Variants in FLI1 observed in about 807,000 individuals in gnomAD.
FLI1 encodes Fli-1 proto-oncogene, ETS transcription factor, also known as Friend leukemia integration 1 transcription factor.
FLI1 carries 13 observed loss-of-function variants against 53.1 expected under a neutral mutation model. The ratio of observed to expected loss-of-function variants is 0.24; its 90% CI spans 0.16 to 0.39. The LOEUF (loss-of-function observed/expected upper bound fraction) is 0.39. FLI1 is among the 10% of genes least tolerant of loss of function. The pLI is 1.00. For synonymous variants in FLI1, 244 were observed against 236.7 expected, an observed-to-expected ratio of 1.03 and a Z score of -0.28; for missense variants, 424 against 600.5, an observed-to-expected ratio of 0.71 and a Z score of 3.07.
At chr11:128,774,817 T>C (rs1479679713) in intron 4 of FLI1, among the ~76,000 whole-genome samples, 1 of 152,140 alleles carries the variant, frequency 6.6e-6, no homozygotes, top group Non-Finnish European at 1.5e-5. Flanking sequence ...CCCCTAGTAC[T>C]TCCTGCCACC....
intron 1 of FLI1, among the ~76,000 whole-genome samples, chr11:128,730,871 T>C (rs1481407607): frequency 6.6e-6 from 1 of 152,264 alleles, no homozygotes; most frequent in Non-Finnish European, 1.5e-5. Flanking sequence ...CCATCCTTTC[T>C]TAGCCTTTGC....
At chr11:128,728,675 C>T (rs1939575427) in intron 1 of FLI1, among the ~76,000 whole-genome samples, 1 of 152,246 alleles carries the variant, frequency 6.6e-6, no homozygotes, top group Admixed American at 6.5e-5. Flanking sequence ...AGAGTCAAGG[C>T]AAACGTTCCA....
intron 5 of FLI1, among the ~76,000 whole-genome samples, chr11:128,785,319 C>T (rs1485074660): frequency 6.6e-6 from 1 of 152,026 alleles, no homozygotes; most frequent in African/African-American, 2.4e-5. Context: ...CCTCCACATG[C>T]TTTGCTTTGG....
At position 128,694,158 on chromosome 11, in the gene FLI1, C is replaced by A; in HGVS notation, c.-101C>A. 3 of 1,354,434 alleles carry A rather than the reference C, an allele frequency of 2.2e-6. No individual in the cohort carries two copies. Among genetic ancestry groups the A allele is most frequent in the Non-Finnish European group, 3.0e-6 (3 of 1,016,488 alleles). The allele number at this position is 1,354,434 out of a possible 1,614,324, so 83.9% of individuals were successfully genotyped here. A position where few individuals can be genotyped will look rare whatever the true frequency, so the allele number is the denominator to read the frequency against. On this transcript the variant is annotated 5_prime_UTR_variant, in exon 1 of 9. Coordinates refer to ENST00000527786, the MANE Select transcript of FLI1 (RefSeq NM_002017.5). ...GGGCACGCAGGGAGGGCCCAGGGCGCCAGGGAGGCCGCGCCGGGCTAATCC... is the reference window on the plus strand; with the variant it reads ...GGGCACGCAGGGAGGGCCCAGGGCGACAGGGAGGCCGCGCCGGGCTAATCC...
chr11:128,790,044 ATGTGTGTGTGTGTGTGCATGCATGCG>A (rs1942221096), intron 5 of FLI1, among the ~76,000 whole-genome samples: 1 of 148,498 alleles, frequency 6.7e-6, no homozygotes, highest in Non-Finnish European at 1.5e-5. Flanking sequence ...TGATTGCTGG[ATGTGTGTGTGTGTGTGCATGCATGCG>A]TGTGTGTGTG....
At position 128,802,195 on chromosome 11, in the gene FLI1, T is replaced by A. The variant is rs553365250; in HGVS notation, c.656-3171T>A. 2.6e-5 allele frequency among the ~76,000 whole-genome samples: 4 copies of A among 152,348 alleles called. No individual in the cohort carries two copies. In the South Asian group the frequency reaches 8.3e-4, roughly 32 times the overall value. The stretch of plus-strand genomic sequence containing the variant: ...ACCCCTAGGGCAGAATGCAAGACTT[T>A]AGTTCTTGGCCTTCTGCATCTTCAT... On this transcript the variant is annotated intron_variant, in intron 5 of 8. Coordinates refer to ENST00000527786, the MANE Select transcript of FLI1 (RefSeq NM_002017.5).
Position 128,810,132 on chromosome 11 carries a change from G to T in FLI1, c.830-327G>T, listed in dbSNP as rs1484882132. Among the ~76,000 whole-genome samples, 1 of 151,814 alleles carries T rather than the reference G, an allele frequency of 6.6e-6. No homozygotes were observed. Among genetic ancestry groups the T allele is most frequent in the Non-Finnish European group, 1.5e-5 (1 of 67,898 alleles). Reference sequence around the variant, plus strand: ...CTAGATGAAGAGATTCAAAAGCCTTGCCAAAGGGATTGAGGGGGGATATGG... The same window carrying T: ...CTAGATGAAGAGATTCAAAAGCCTTTCCAAAGGGATTGAGGGGGGATATGG... On this transcript the variant is annotated intron_variant, in intron 8 of 8. Transcript: ENST00000527786. This position sits in a 1 kb window ranked among gnomAD's most constrained non-coding sequence, Gnocchi z 6.6.
chr11:128,784,220 T>TCTACTCCTCCTCCTC (rs1942013224), intron 5 of FLI1, among the ~76,000 whole-genome samples: 1 of 117,928 alleles, frequency 8.5e-6, no homozygotes, highest in Non-Finnish European at 1.9e-5. Flanking sequence ...TTGCTAACCA[T>TCTACTCCTCCTCCTC]CTCCTCCTCC....
In FLI1 at chr11:128,777,956, T is replaced by C. The variant is rs559408799; in HGVS notation, c.590-4002T>C. 2.6e-5 allele frequency among the ~76,000 whole-genome samples: 4 copies of C among 152,304 alleles called. No individual in the cohort carries two copies. The South Asian group carries it at 8.3e-4, about 32-fold the overall frequency. On this transcript the variant is annotated intron_variant, in intron 4 of 8. Transcript: ENST00000527786. ...ACCTGCAAAGCCTCACACTGCTCAC[T>C]CCCCTCTCCTTTCAGATCCAGGTAC... is the stretch of plus-strand genomic sequence containing the variant.
At chr11:128,758,572 G>A (rs969442767) in intron 2 of FLI1, among the ~76,000 whole-genome samples, 1 of 152,212 alleles carries the variant, frequency 6.6e-6, no homozygotes, top group Non-Finnish European at 1.5e-5. Context: ...GTAGGAGTCA[G>A]GCCCCAAGCG....
chr11:128,713,249 T>C (rs996439189), intron 1 of FLI1, among the ~76,000 whole-genome samples: 1 of 152,240 alleles, frequency 6.6e-6, no homozygotes, highest in Admixed American at 6.5e-5. Flanking sequence ...AAATTATAAA[T>C]GTCCAATTAG....
At chr11:128,702,841 A>C (rs1198469141) in intron 1 of FLI1, among the ~76,000 whole-genome samples, 1 of 150,610 alleles carries the variant, frequency 6.6e-6, no homozygotes, top group Non-Finnish European at 1.5e-5. Context: ...CAGCCTGGGC[A>C]ACAGGGCGAG....
chr11:128,767,864 C>A (rs1941401430), intron 2 of FLI1, among the ~76,000 whole-genome samples: 1 of 152,162 alleles, frequency 6.6e-6, no homozygotes, highest in East Asian at 1.9e-4. Flanking sequence ...GAAGCTCAGA[C>A]CTTGGTCTGA....
At chr11:128,779,254 C>T (rs961803608) in intron 4 of FLI1, among the ~76,000 whole-genome samples, 2 of 152,176 alleles carry the variant, frequency 1.3e-5, no homozygotes, top group Non-Finnish European at 2.9e-5. Flanking sequence ...GTTTGCTCCT[C>T]GGAGACCATC....
chr11:128,746,449 C>T (rs1481326799), intron 1 of FLI1, among the ~76,000 whole-genome samples: 1 of 152,232 alleles, frequency 6.6e-6, no homozygotes, highest in Non-Finnish European at 1.5e-5. Context: ...CTCTGCTTCC[C>T]CTGTGGGAGC....
rs544103557 is a variant in FLI1 at position 128,768,050 on chromosome 11, T to C, written c.231-68T>C. 189 of 1,438,196 alleles carry C rather than the reference T, an allele frequency of 1.3e-4. No individual in the cohort carries two copies. In the African/African-American group the frequency reaches 2.5e-3, roughly 19 times the overall value. 89.1% of individuals were successfully genotyped at this position (1,438,196 alleles called of 1,614,324 possible). A position where few individuals can be genotyped will look rare whatever the true frequency, so the allele number is the denominator to read the frequency against. On this transcript the variant is annotated intron_variant, in intron 2 of 8. Transcript: ENST00000527786. ...CATCATCGGAGCCCTGGGCTCATGATTCAGAGGCTGAGGCAAGCTGCCCTG... is the reference window on the plus strand; with the variant it reads ...CATCATCGGAGCCCTGGGCTCATGACTCAGAGGCTGAGGCAAGCTGCCCTG...
At chr11:128,766,109 T>C (rs1029421781) in intron 2 of FLI1, among the ~76,000 whole-genome samples, 4 of 152,148 alleles carry the variant, frequency 2.6e-5, no homozygotes, top group African/African-American at 9.7e-5. Flanking sequence ...CATGCATGTG[T>C]GTGAGTGTGT....
intron 5 of FLI1, among the ~76,000 whole-genome samples, chr11:128,792,636 A>G (rs1316747334): frequency 6.6e-6 from 1 of 151,582 alleles, no homozygotes; most frequent in Non-Finnish European, 1.5e-5. Flanking sequence ...AGACCAACGT[A>G]TAGGAAGCAT....
chr11:128,801,147 C>T (rs1386447065), intron 5 of FLI1, among the ~76,000 whole-genome samples: 1 of 152,206 alleles, frequency 6.6e-6, no homozygotes, highest in African/African-American at 2.4e-5. Context: ...ACTCCAGGCA[C>T]CACATTCGAG....
Sources: allele counts gnomAD v4.1 joint callset (sites outside exome capture counted in the v4.1 genomes callset), GRCh38; gene constraint gnomAD v4.1.1; non-coding constraint Gnocchi (gnomAD v3.1); transcripts MANE v1.5; gene names NCBI Gene and HGNC (gene_info 2026-07-23, HGNC 2026-07-21).